The following RBPJ variants were observed in gnomAD, a reference collection of about 807,000 sequenced individuals.
RBPJ encodes recombining binding protein suppressor of hairless.
RBPJ carries 9 observed loss-of-function variants against 67.8 expected under a neutral mutation model. The observed-to-expected ratio is 0.13, with a 90% CI of 0.08 to 0.23. RBPJ has a LOEUF of 0.23. Ranked by LOEUF, RBPJ falls within the 10% of genes least tolerant of loss-of-function variation. RBPJ has a pLI of 1.00. For missense variants in RBPJ, 305 were observed against 595.6 expected (o/e 0.51, Z 5.08); for synonymous variants, 198 against 203.3 (o/e 0.97, Z 0.22).
chr4:26,311,697 A>T (rs539629182), intron 1 of RBPJ, among the ~76,000 whole-genome samples: 3 of 152,320 alleles, frequency 2.0e-5, no homozygotes, highest in African/African-American at 4.8e-5. Flanking sequence ...ATTGATTTTT[A>T]AAAAAGAAAC....
chr4:26,330,165 G>A (rs1724082456), intron 1 of RBPJ, among the ~76,000 whole-genome samples: 1 of 152,124 alleles, frequency 6.6e-6, no homozygotes. Context: ...AATAAATGCT[G>A]GATGCTTATT....
intron 1 of RBPJ, among the ~76,000 whole-genome samples, chr4:26,214,891 A>AG (rs1718606839): frequency 1.8e-5 from 1 of 55,416 alleles, no homozygotes; most frequent in East Asian, 1.9e-3. Context: ...AAGAGAGAGA[A>AG]AAAAGAGAAA....
chr4:26,421,654 G>A (rs1030059615), intron 5 of RBPJ, among the ~76,000 whole-genome samples: 5 of 151,938 alleles, frequency 3.3e-5, no homozygotes, highest in African/African-American at 1.2e-4. Context: ...AGCCTCAACA[G>A]GTTTTATCAA....
chr4:26,298,790 TTA>T (rs1314511929), intron 1 of RBPJ, among the ~76,000 whole-genome samples: 1 of 152,128 alleles, frequency 6.6e-6, no homozygotes, highest in Non-Finnish European at 1.5e-5. Context: ...ACGCCAAAAC[TTA>T]TGTCATCAAG....
At chr4:26,333,796 C>A (rs1295334577) in intron 1 of RBPJ, among the ~76,000 whole-genome samples, 1 of 151,948 alleles carries the variant, frequency 6.6e-6, no homozygotes, top group Admixed American at 6.6e-5. Context: ...CTCAAGTGAT[C>A]CTCCTGCCTC....
At chr4:26,188,206 C>G (rs1717345515) in intron 1 of RBPJ, among the ~76,000 whole-genome samples, 1 of 151,228 alleles carries the variant, frequency 6.6e-6, no homozygotes, top group African/African-American at 2.4e-5. Context: ...AAGACTCTGT[C>G]ACACACACAC....
rs567888264 is a variant in RBPJ at position 26,209,094 on chromosome 4, A to ATAT, written c.-167+45480_-167+45481insTAT. ...TTTAATAACCAGCATTACAGAAGAA[A>ATAT]AAAAATATATATATATATATAAAAG... On this transcript the variant is annotated intron_variant, in intron 1 of 4. Transcript: ENST00000512351. Among the ~76,000 whole-genome samples the ATAT allele has an allele frequency of 1.4e-4, 14 of 96,594 alleles. No individual in the cohort carries two copies. In the South Asian group the frequency reaches 2.0e-3, roughly 14 times the overall value. 63.4% of individuals were successfully genotyped at this position (96,594 alleles called of 152,430 possible).
intron 1 of RBPJ, among the ~76,000 whole-genome samples, chr4:26,221,729 AG>A (rs1329617359): frequency 6.6e-6 from 1 of 152,244 alleles, no homozygotes. Context: ...TGAGTAGACG[AG>A]TATGTTCAAT....
chr4:26,219,253 C>T (rs555329188), intron 1 of RBPJ, among the ~76,000 whole-genome samples: 1 of 152,258 alleles, frequency 6.6e-6, no homozygotes, highest in African/African-American at 2.4e-5. Context: ...AGCCACGAGT[C>T]TTATTGGGGG....
intron 1 of RBPJ, among the ~76,000 whole-genome samples, chr4:26,279,426 G>A (rs554451892): frequency 2.0e-5 from 3 of 152,192 alleles, no homozygotes; most frequent in African/African-American, 7.2e-5. Context: ...GACTACAAGC[G>A]TGCCCCACCA....
At chr4:26,294,420 A>C (rs1721791455) in intron 1 of RBPJ, among the ~76,000 whole-genome samples, 1 of 152,158 alleles carries the variant, frequency 6.6e-6, no homozygotes, top group African/African-American at 2.4e-5. Flanking sequence ...TTTAGGAGTA[A>C]GATGATCTGA....
chr4:26,162,669 A>G (rs918258487), upstream of RBPJ, among the ~76,000 whole-genome samples: 4 of 152,234 alleles, frequency 2.6e-5, no homozygotes, highest in Non-Finnish European at 5.9e-5. Context: ...TGCCCAGGTC[A>G]GACAGCTATT....
chr4:26,107,387 C>T, the RBPJ span, among the ~76,000 whole-genome samples: 1 of 152,178 alleles, frequency 6.6e-6, no homozygotes, highest in South Asian at 2.1e-4. Flanking sequence ...AGCTTCCACC[C>T]TCCAGAAGAG....
the RBPJ span, chr4:26,112,543 C>CA: frequency 3.0e-4 from 20 of 65,918 alleles, no homozygotes; most frequent in East Asian, 5.5e-3. Flanking sequence ...GAGGAGGCAG[C>CA]CTTTTTTTTT....
At chr4:26,151,704 G>A in the RBPJ span, among the ~76,000 whole-genome samples, 4 of 152,324 alleles carry the variant, frequency 2.6e-5, no homozygotes, top group Non-Finnish European at 5.9e-5. Context: ...CCTCTGCTGG[G>A]TTGATCCTGT....
At chr4:26,275,663 G>A (rs376907334) in intron 1 of RBPJ, among the ~76,000 whole-genome samples, 1 of 152,058 alleles carries the variant, frequency 6.6e-6, no homozygotes, top group African/African-American at 2.4e-5. Flanking sequence ...ACGGAGTCTC[G>A]TACTGTTGCC....
intron 1 of RBPJ, among the ~76,000 whole-genome samples, chr4:26,341,633 CA>C (rs35755502): frequency 1.2e-4 from 18 of 144,446 alleles, no homozygotes; most frequent in African/African-American, 4.6e-4. Context: ...CAAAACAAAA[CA>C]AAAAAAAACC....
chr4:26,122,100 C>T, the RBPJ span, among the ~76,000 whole-genome samples: 1 of 152,080 alleles, frequency 6.6e-6, no homozygotes, highest in Non-Finnish European at 1.5e-5. Context: ...TATATGGACA[C>T]ATTTATAAAT....
chr4:26,319,739 G>A (rs993515411), upstream of RBPJ: 7 of 848,742 alleles, frequency 8.2e-6, no homozygotes, highest in East Asian at 1.5e-4. Flanking sequence ...CCGCTCGCGC[G>A]GGCCGCGCCA....
Sources: allele counts gnomAD v4.1 joint callset (sites outside exome capture counted in the v4.1 genomes callset), GRCh38; gene constraint gnomAD v4.1.1; transcripts MANE v1.5; gene names NCBI Gene and HGNC (gene_info 2026-07-23, HGNC 2026-07-21).